ROBO2: variants seen among roughly 807,000 people sequenced by gnomAD.
ROBO2 encodes the protein roundabout guidance receptor 2, also known as roundabout homolog 2.
ROBO2 carries 53 observed loss-of-function variants against 160.8 expected under a neutral mutation model. That is an observed-to-expected ratio of 0.33 (90% confidence interval 0.26 to 0.41). The LOEUF (loss-of-function observed/expected upper bound fraction) is 0.41. Ranked by LOEUF, ROBO2 falls within the 10% of genes least tolerant of loss-of-function variation. ROBO2 has a pLI of 1.00. For missense variants in ROBO2, 1,577 were observed against 1,722.4 expected, an observed-to-expected ratio of 0.92 and a Z score of 1.49; for synonymous variants, 664 against 611.7, an observed-to-expected ratio of 1.09 and a Z score of -1.26.
intron 2 of ROBO2, among the ~76,000 whole-genome samples, chr3:77,288,579 C>A (rs1199146178): frequency 1.3e-5 from 2 of 152,108 alleles, no homozygotes; most frequent in Non-Finnish European, 2.9e-5. Flanking sequence ...CATGTGACAG[C>A]CCACAGGTCT....
At chr3:77,387,669 C>T (rs1001826255) in intron 2 of ROBO2, among the ~76,000 whole-genome samples, 3 of 151,990 alleles carry the variant, frequency 2.0e-5, no homozygotes, top group Admixed American at 6.6e-5. Context: ...AAAGCTGAGT[C>T]GTACAAGAAT....
At chr3:77,592,182 T>C (rs1188840781) in intron 17 of ROBO2, among the ~76,000 whole-genome samples, 9 of 152,088 alleles carry the variant, frequency 5.9e-5, no homozygotes, top group Admixed American at 5.9e-4. Context: ...CAATACAAAA[T>C]GGAAATTTAG....
At chr3:77,634,148 A>G (rs1478540564) in intron 23 of ROBO2, 1 of 152,198 alleles carries the variant, frequency 6.6e-6, no homozygotes, top group African/African-American at 2.4e-5. Context: ...TACCTACTCT[A>G]AACCACAAGA....
At chr3:77,630,513 C>CT (rs1205953970) in intron 23 of ROBO2, 1 of 147,460 alleles carries the variant, frequency 6.8e-6, no homozygotes, top group Non-Finnish European at 1.5e-5. Context: ...AAGTCCCCCC[C>CT]TTGACACATG....
intron 2 of ROBO2, among the ~76,000 whole-genome samples, chr3:77,098,674 C>G (rs539811048): frequency 8.6e-4 from 131 of 151,904 alleles, no homozygotes; most frequent in Admixed American, 3.1e-3. Context: ...GGTGAAACCC[C>G]GTCTCTACAA....
chr3:75,984,987 G>A (rs1440757900), intron 2 of ROBO2, among the ~76,000 whole-genome samples: 1 of 151,382 alleles, frequency 6.6e-6, no homozygotes, highest in Non-Finnish European at 1.5e-5. Flanking sequence ...ATCCCTATTA[G>A]TATCTGCATG....
chr3:76,510,227 A>G lies in ROBO2; in HGVS notation c.109+572625A>G, dbSNP rs539926134. 8.5e-5 allele frequency among the ~76,000 whole-genome samples: 13 copies of G among 152,290 alleles called. No individual in the cohort carries two copies. The South Asian group carries it at 1.7e-3, about 19-fold the overall frequency. ...TCAAAAAAGGCCTGAAGATATCCCT[A>G]TGACTGACAGTGATAAGAAAAAGGG... On this transcript the variant is annotated intron_variant, in intron 2 of 26. Coordinates refer to the ROBO2 transcript ENST00000487694.
chr3:76,901,898 C>T (rs2075266240), intron 2 of ROBO2, among the ~76,000 whole-genome samples: 1 of 151,850 alleles, frequency 6.6e-6, no homozygotes, highest in Non-Finnish European at 1.5e-5. Flanking sequence ...CTTCCTGCTC[C>T]TTCCTACCTT....
chr3:76,033,293 T>C (rs915891554), intron 2 of ROBO2, among the ~76,000 whole-genome samples: 4 of 149,518 alleles, frequency 2.7e-5, no homozygotes, highest in Non-Finnish European at 6.0e-5. Flanking sequence ...CTGTGACACA[T>C]ACACACACAC....
chr3:75,911,906 A>T (rs1193028501), intron 1 of ROBO2, among the ~76,000 whole-genome samples: 1 of 152,144 alleles, frequency 6.6e-6, no homozygotes, highest in Non-Finnish European at 1.5e-5. Flanking sequence ...TGCTATGAAG[A>T]GTGGTTGTTA....
chr3:76,775,178 C>T (rs752459262), intron 2 of ROBO2, among the ~76,000 whole-genome samples: 1 of 150,530 alleles, frequency 6.6e-6, no homozygotes, highest in Non-Finnish European at 1.5e-5. Flanking sequence ...CATATGTAGT[C>T]CTAATGGATA....
chr3:77,557,918 T>C (rs953990147), intron 8 of ROBO2, 26 bp from the exon 10 acceptor site: 2 of 1,423,444 alleles, frequency 1.4e-6, no homozygotes, highest in Non-Finnish European at 1.9e-6. Flanking sequence ...GATGTTAAAA[T>C]ACCTGAAAAG....
At chr3:76,856,833 C>T (rs913509342) in intron 2 of ROBO2, among the ~76,000 whole-genome samples, 9 of 152,132 alleles carry the variant, frequency 5.9e-5, no homozygotes, top group Non-Finnish European at 1.3e-4. Flanking sequence ...AGACAGATTG[C>T]AAGAATTATA....
At chr3:75,950,883 G>A (rs1445678500) in intron 2 of ROBO2, among the ~76,000 whole-genome samples, 1 of 152,074 alleles carries the variant, frequency 6.6e-6, no homozygotes. Context: ...GTCCTGAGCT[G>A]ACAGGATAGG....
chr3:75,999,432 G>A (rs886452106), intron 2 of ROBO2, among the ~76,000 whole-genome samples: 4 of 152,078 alleles, frequency 2.6e-5, no homozygotes, highest in Non-Finnish European at 5.9e-5. Context: ...GAGCATTGAA[G>A]TGTAAAAACT....
chr3:77,464,045 C>T (rs1040390343), intron 2 of ROBO2, among the ~76,000 whole-genome samples: 1 of 152,174 alleles, frequency 6.6e-6, no homozygotes, highest in African/African-American at 2.4e-5. Context: ...ACTTCCTTTA[C>T]TTTTCACTGT....
intron 2 of ROBO2, chr3:76,435,112 C>G (rs2076610850): frequency 1.0e-6 from 1 of 959,024 alleles, no homozygotes; most frequent in Admixed American, 1.7e-5. Context: ...AACTCCATTA[C>G]AGTAGATAAC....
intron 2 of ROBO2, among the ~76,000 whole-genome samples, chr3:76,080,033 T>C (rs990114039): frequency 6.6e-6 from 1 of 152,140 alleles, no homozygotes; most frequent in African/African-American, 2.4e-5. Flanking sequence ...GATACAATAT[T>C]TAAATGCTTT....
chr3:76,277,290 G>T (rs2107655881), intron 2 of ROBO2, among the ~76,000 whole-genome samples: 1 of 152,102 alleles, frequency 6.6e-6, no homozygotes, highest in Non-Finnish European at 1.5e-5. Context: ...ACATGTATCA[G>T]CTGTTAAACA....
Sources: gnomAD v4.1 joint callset for allele counts (sites outside exome capture counted in the v4.1 genomes callset) on GRCh38, gnomAD v4.1.1 for gene constraint, MANE v1.5 for transcripts, NCBI Gene and HGNC (gene_info 2026-07-23, HGNC 2026-07-21) for gene names.